Variants in PDGFD observed in about 807,000 individuals in gnomAD.
The protein encoded by PDGFD is platelet derived growth factor D, also known as platelet-derived growth factor D.
PDGFD carries 30 observed loss-of-function variants against 44.7 expected under a neutral mutation model. The observed-to-expected ratio is 0.67, with a 90% confidence interval of 0.50 to 0.91. The LOEUF is 0.91. Ranked by LOEUF, PDGFD falls within the 40% of genes least tolerant of loss-of-function variation. The pLI, the probability that PDGFD is intolerant of heterozygous loss-of-function variation, is 0.00. For synonymous variants in PDGFD, 173 were observed against 168.4 expected (o/e 1.03, Z -0.21); for missense variants, 445 against 457.8 (o/e 0.97, Z 0.25).
intron 1 of PDGFD, among the ~76,000 whole-genome samples, chr11:104,096,967 C>CAAGAGG (rs1861298200): frequency 2.0e-5 from 3 of 152,286 alleles, no homozygotes; most frequent in Middle Eastern, 3.4e-3. Context: ...TTTATTACCT[C>CAAGAGG]TTATCTCAAC....
chr11:103,960,568 T>C (rs754146509), intron 3 of PDGFD, among the ~76,000 whole-genome samples: 18 of 152,164 alleles, frequency 1.2e-4, no homozygotes, highest in Non-Finnish European at 1.8e-4. Flanking sequence ...GGAAGCAAAA[T>C]TGACCTTAAG....
chr11:103,983,227 G>A (rs756987281), intron 3 of PDGFD, among the ~76,000 whole-genome samples: 5 of 151,638 alleles, frequency 3.3e-5, no homozygotes, highest in Non-Finnish European at 5.9e-5. Context: ...CAGATACCTA[G>A]ACCAATGGAA....
chr11:104,062,656 A>T (rs1860732910), intron 1 of PDGFD, among the ~76,000 whole-genome samples: 1 of 152,250 alleles, frequency 6.6e-6, no homozygotes, highest in African/African-American at 2.4e-5. Flanking sequence ...TACAAAGAGA[A>T]TACATTATTA....
chr11:103,919,859 G>A (rs74240301), intron 6 of PDGFD, among the ~76,000 whole-genome samples: 4 of 148,856 alleles, frequency 2.7e-5, no homozygotes, highest in African/African-American at 4.9e-5. Context: ...GTTTCTCAAG[G>A]AAAAAAAAAA....
intron 3 of PDGFD, among the ~76,000 whole-genome samples, chr11:103,966,959 C>T (rs1039454949): frequency 2.0e-5 from 3 of 152,124 alleles, no homozygotes; most frequent in East Asian, 3.9e-4. Flanking sequence ...TCTGAAAACC[C>T]GGCTAGGCTG....
chr11:104,108,706 T>C (rs1346082803), intron 1 of PDGFD, among the ~76,000 whole-genome samples: 1 of 152,182 alleles, frequency 6.6e-6, no homozygotes, highest in African/African-American at 2.4e-5. Flanking sequence ...ACTGGGTATA[T>C]ACCCAAAGGA....
intron 3 of PDGFD, among the ~76,000 whole-genome samples, chr11:103,968,391 A>C (rs1267250368): frequency 6.6e-6 from 1 of 152,164 alleles, no homozygotes; most frequent in African/African-American, 2.4e-5. Flanking sequence ...GACGTCTGAT[A>C]AGCTCCTTAA....
chr11:104,162,359 C>T (rs114274947), intron 1 of PDGFD, among the ~76,000 whole-genome samples: 4,156 of 152,028 alleles, frequency 0.027, 206 homozygotes, highest in African/African-American at 0.095. Context: ...TAAAGTGCAA[C>T]TAATAACAAA....
intron 3 of PDGFD, among the ~76,000 whole-genome samples, chr11:103,992,091 C>T (rs1729410604): frequency 2.0e-5 from 3 of 152,122 alleles, no homozygotes; most frequent in African/African-American, 7.2e-5. Context: ...ATCTCGCTAC[C>T]AAATATTTGA....
In PDGFD at chr11:103,983,715, A is replaced by G. The variant is rs557229488; in HGVS notation, c.510+12350T>C. On this transcript the variant is annotated intron_variant, in intron 3 of 6. Coordinates refer to ENST00000393158, the MANE Select transcript of PDGFD (RefSeq NM_025208.5). ...CAGACTCTATAAGGAACTTAGATAA[A>G]TTTACAAGAAAAAAATAACCCCATA... 5.5e-4 allele frequency among the ~76,000 whole-genome samples: 84 copies of G among 151,926 alleles called. 1 individual carries two copies. The highest frequency in any genetic ancestry group is 3.4e-3 in the Middle Eastern group (1 of 294).
chr11:104,065,105 T>C (rs1860770877), intron 1 of PDGFD, among the ~76,000 whole-genome samples: 1 of 152,134 alleles, frequency 6.6e-6, no homozygotes, highest in African/African-American at 2.4e-5. Flanking sequence ...GCCTACATCT[T>C]TCTCCTGTGC....
chr11:104,037,095 G>A lies in PDGFD; in HGVS notation c.125-36840C>T, dbSNP rs1289281730. 1.9e-6 allele frequency: 3 copies of A among 1,614,072 alleles called. No homozygotes were observed. In the African/African-American group the frequency reaches 4.0e-5, roughly 22 times the overall value. On this transcript the variant is annotated intron_variant, in intron 1 of 6. Coordinates refer to ENST00000393158, the MANE Select transcript of PDGFD (RefSeq NM_025208.5). The stretch of plus-strand genomic sequence containing the variant: ...GGGCTCCAGGGCGTGCCCCGAACCA[G>A]CCTCGTGTAGACTTCAGTGGCATTG...
chr11:103,957,191 G>A (rs1424096360), intron 3 of PDGFD, among the ~76,000 whole-genome samples: 2 of 152,028 alleles, frequency 1.3e-5, no homozygotes, highest in Admixed American at 6.6e-5. Context: ...TATGGTTTTA[G>A]GTCTAACGTT....
chr11:103,972,837 T>C (rs756361516), intron 3 of PDGFD, among the ~76,000 whole-genome samples: 1 of 152,238 alleles, frequency 6.6e-6, no homozygotes, highest in African/African-American at 2.4e-5. Flanking sequence ...GAATATTGTA[T>C]GGAGAATTCT....
intron 1 of PDGFD, among the ~76,000 whole-genome samples, chr11:104,095,263 T>G (rs1252414328): frequency 1.3e-5 from 2 of 152,128 alleles, no homozygotes; most frequent in Non-Finnish European, 2.9e-5. Flanking sequence ...AACTATAATC[T>G]CCATAATGGA....
At chr11:103,979,709 T>G (rs55909052) in intron 3 of PDGFD, among the ~76,000 whole-genome samples, 54 of 152,158 alleles carry the variant, frequency 3.5e-4, no homozygotes, top group African/African-American at 1.1e-3. Context: ...GTGAGTCAGG[T>G]TTGTAGATAA....
intron 1 of PDGFD, among the ~76,000 whole-genome samples, chr11:104,081,055 A>T (rs548106418): frequency 3.3e-5 from 5 of 152,226 alleles, no homozygotes; most frequent in Admixed American, 6.5e-5. Context: ...TAGAGTCAGA[A>T]CTGTCCAGCT....
chr11:104,079,381 T>C (rs1391515890), intron 1 of PDGFD, among the ~76,000 whole-genome samples: 1 of 152,066 alleles, frequency 6.6e-6, no homozygotes, highest in Admixed American at 6.6e-5. Flanking sequence ...TTTCTTTTCT[T>C]TTCTTTTCTT....
chr11:104,119,124 G>A lies in PDGFD; in HGVS notation c.124+44680C>T, dbSNP rs1293526701. ...ATATAATATATTAATATAATATATT[G>A]ATATAATATATAATATATTAATATA... is the stretch of plus-strand genomic sequence containing the variant. On this transcript the variant is annotated intron_variant, in intron 1 of 6. Coordinates refer to ENST00000393158, the MANE Select transcript of PDGFD (RefSeq NM_025208.5). Among the ~76,000 whole-genome samples, 4 of 7,004 alleles carry A rather than the reference G, an allele frequency of 5.7e-4. 1 individual carries two copies. Among genetic ancestry groups the A allele is most frequent in the African/African-American group, 1.0e-3 (3 of 2,952 alleles). 4.6% of individuals were successfully genotyped at this position (7,004 alleles called of 152,430 possible). A position where few individuals can be genotyped will look rare whatever the true frequency, so the allele number is the denominator to read the frequency against.
Sources: gnomAD v4.1 joint callset for allele counts (sites outside exome capture counted in the v4.1 genomes callset) on GRCh38, gnomAD v4.1.1 for gene constraint, MANE v1.5 for transcripts, NCBI Gene and HGNC (gene_info 2026-07-23, HGNC 2026-07-21) for gene names.